FER1L5: variants seen among roughly 807,000 people sequenced by gnomAD.
The protein encoded by FER1L5 is fer-1 like family member 5, also known as fer-1-like protein 5.
In FER1L5, 187 loss-of-function variants were observed where a neutral mutation model predicts 279.9. The observed-to-expected ratio is 0.67, with a 90% confidence interval of 0.59 to 0.75. FER1L5 has a LOEUF of 0.75. Ranked by LOEUF, FER1L5 falls within the 30% of genes least tolerant of loss-of-function variation. The probability of loss-of-function intolerance (pLI) is 0.00; values close to 1 mark genes in which losing one functional copy is unlikely to be tolerated. For synonymous variants in FER1L5, 921 were observed against 989.7 expected (o/e 0.93, Z 1.30); for missense variants, 2,091 against 2,594.4 (o/e 0.81, Z 4.21).
chr2:96,657,598 G>A (rs991813206), intron 9 of FER1L5, among the ~76,000 whole-genome samples: 3 of 151,962 alleles, frequency 2.0e-5, no homozygotes, highest in South Asian at 2.1e-4. Flanking sequence ...CCCTCCATCC[G>A]CAGACAACCA....
rs1454792132 is a variant in FER1L5, at chr2:96,685,967, G to C, written c.1923G>C (p.Gln641His). The C allele has an allele frequency of 6.5e-7, 1 of 1,548,710 alleles. No individual in the cohort carries two copies. ...GCCCTCTGCCCTGCATGACCTATCA[G>C]CCCAAAGCCACCAGCCTGGACAGGA... Reference protein sequence around the residue: ...CKRPLPCMTYQPKATSLDRKR... With the variant: ...CKRPLPCMTYHPKATSLDRKR... Residue 641 changes from glutamine (Q) to histidine (H), a missense_variant, in exon 22 of 53, where the codon CAG becomes CAC. By Grantham distance (24) the Gln-to-His change is conservative. Coordinates refer to ENST00000624922, the MANE Select transcript of FER1L5 (RefSeq NM_001293083.2).
Position 96,673,141 on chromosome 2 carries a change from A to G in FER1L5, c.1556A>G (p.Asn519Ser), listed in dbSNP as rs1020171701. 4 of 1,551,578 alleles carry G rather than the reference A, an allele frequency of 2.6e-6. No homozygotes were observed. Among genetic ancestry groups the G allele is most frequent in the Admixed American group, 3.9e-5 (2 of 50,988 alleles). The change falls in exon 19 of 53, where the codon AAC (asparagine) becomes AGC (serine). Residue 519 changes from asparagine to serine, a missense_variant. Asn to Ser is a conservative substitution (Grantham distance 46, BLOSUM62 1). Transcript: ENST00000624922. ...TTCCTTTCCTGTACCATGATGCCCA[A>G]CTTTAAAGAGCTGATCCATTTCGAG... ...VIFLSCTMMP[N>S]FKELIHFEVS...
At chr2:96,700,835 C>G (rs900560846) in intron 45 of FER1L5, among the ~76,000 whole-genome samples, 13 of 152,184 alleles carry the variant, frequency 8.5e-5, no homozygotes, top group Admixed American at 6.5e-5. Context: ...CGGGTTCTGG[C>G]TGTTAATTGT....
chr2:96,689,307 C>T lies in FER1L5; in HGVS notation c.2456C>T (p.Pro819Leu). 6.5e-7 allele frequency: 1 copy of T among 1,550,112 alleles called. No homozygotes were observed. The highest frequency in any genetic ancestry group is 8.7e-7 in the Non-Finnish European group (1 of 1,146,540). ...FSDVMGNKTL[P>L]MTDFQPPLGW... ...GATGTCATGGGGAACAAGACCCTCC[C>T]CATGACGGATTTCCAACCACCCCTG... Residue 819 changes from proline (P) to leucine (L), a missense_variant, in exon 25 of 53, where the codon CCC (proline) becomes CTC (leucine). Pro to Leu is a moderately conservative substitution (Grantham distance 98). Coordinates refer to ENST00000624922, the MANE Select transcript of FER1L5 (RefSeq NM_001293083.2). This position sits in a 1 kb window ranked among gnomAD's most constrained non-coding sequence, Gnocchi z 4.6.
At chr2:96,681,119 A>C (rs1335302612) in intron 19 of FER1L5, among the ~76,000 whole-genome samples, 1 of 152,194 alleles carries the variant, frequency 6.6e-6, no homozygotes, top group Non-Finnish European at 1.5e-5. Flanking sequence ...GTGTAGCCTG[A>C]AGAGTGTCCA....
chr2:96,682,782 T>G (rs988044718), intron 19 of FER1L5, among the ~76,000 whole-genome samples: 11 of 152,240 alleles, frequency 7.2e-5, no homozygotes, highest in African/African-American at 2.7e-4. Flanking sequence ...CATGGCTCAT[T>G]GTAGCCTCAA....
intron 19 of FER1L5, among the ~76,000 whole-genome samples, chr2:96,679,244 A>G (rs1209707929): frequency 7.1e-6 from 1 of 140,098 alleles, no homozygotes; most frequent in Admixed American, 6.9e-5. Context: ...TTTTTTTTTG[A>G]GATGGCGTCT....
intron 3 of FER1L5, 50 bp downstream of exon 3, chr2:96,647,205 C>T: frequency 2.6e-6 from 4 of 1,512,008 alleles, no homozygotes; most frequent in Non-Finnish European, 3.6e-6. Flanking sequence ...AACGCAGCAG[C>T]AAGTTATGTG....
intron 42 of FER1L5, 141 bp from the exon 43 acceptor site, chr2:96,699,409 C>A: frequency 1.9e-6 from 2 of 1,039,046 alleles, no homozygotes; most frequent in South Asian, 1.6e-5. Flanking sequence ...TGGCGATTGG[C>A]AGAAGGCAGC....
chr2:96,661,611 G>A lies in FER1L5; in HGVS notation c.895-57G>A. The A allele has an allele frequency of 3.2e-6, 5 of 1,548,808 alleles. No homozygotes were observed. The South Asian group carries it at 4.8e-5, about 15-fold the overall frequency. On this transcript the variant is annotated intron_variant, in intron 11 of 52. Coordinates refer to ENST00000624922, the MANE Select transcript of FER1L5 (RefSeq NM_001293083.2). ...GGAAGTTGGAGAAGCAAAGTCTGGT[G>A]TCCTTGCCTGTGACCTCCCCATTAC...
intron 32 of FER1L5, 62 bp from the exon 33 acceptor site, chr2:96,693,849 G>A: frequency 1.3e-6 from 2 of 1,491,730 alleles, no homozygotes; most frequent in Non-Finnish European, 1.8e-6. Context: ...GCCTTGAGAA[G>A]CCCAGACAGA....
Position 96,666,242 on chromosome 2 carries a change from C to A in FER1L5, c.1141-2509C>A, listed in dbSNP as rs115169995. Reference sequence around the variant, plus strand: ...CCAGGGCAGAAGGGGAGGCAGCACACTAGATGAGGAACCAAGAAGCAGGAG... The same window carrying A: ...CCAGGGCAGAAGGGGAGGCAGCACAATAGATGAGGAACCAAGAAGCAGGAG... On this transcript the variant is annotated intron_variant, in intron 14 of 52. Coordinates refer to ENST00000624922, the MANE Select transcript of FER1L5 (RefSeq NM_001293083.2). 5.5e-3 allele frequency among the ~76,000 whole-genome samples: 815 copies of A among 147,552 alleles called. 10 individuals are homozygous for A. Among genetic ancestry groups the A allele is most frequent in the African/African-American group, 0.019 (773 of 39,724 alleles).
Position 96,650,208 on chromosome 2 carries a change from A to G in FER1L5, c.423A>G (p.Ala141=), listed in dbSNP as rs373410981. The stretch of plus-strand genomic sequence containing the variant: ...CTGAAGACCACCTGGGCATAACGGC[A>G]AGAGAGGCAGCCAGTCAGAAACTGA... ...TGAEDHLGIT[A]REAASQKLMV... is the part of the protein sequence containing the mutation. Residue 141 remains alanine, a synonymous_variant, in exon 6 of 53, where the codon GCA becomes GCG. Coordinates refer to ENST00000624922, the MANE Select transcript of FER1L5 (RefSeq NM_001293083.2). 3.9e-5 allele frequency: 61 copies of G among 1,551,588 alleles called. No individual in the cohort carries two copies. The African/African-American group carries it at 7.5e-4, about 19-fold the overall frequency.
chr2:96,647,137 G>A lies in FER1L5; in HGVS notation c.212G>A (p.Gly71Asp). Reference sequence around the variant, plus strand: ...CTGCAAGTCACCCTTCAGGACATGGGCTCACAAAAGAAAGAAAGGTGAGGC... The same window carrying A: ...CTGCAAGTCACCCTTCAGGACATGGACTCACAAAAGAAAGAAAGGTGAGGC... The part of the protein sequence containing the change: ...SFLQVTLQDM[G>D]SQKKERFIGL... The change falls in exon 3 of 53, where the codon GGC becomes GAC. Residue 71 changes from glycine to aspartate, a missense_variant. By Grantham distance (94) the Gly-to-Asp change is moderately conservative (BLOSUM62 -1). Coordinates refer to ENST00000624922, the MANE Select transcript of FER1L5 (RefSeq NM_001293083.2). 3.2e-6 allele frequency: 5 copies of A among 1,551,628 alleles called. No homozygotes were observed. Among genetic ancestry groups the A allele is most frequent in the Non-Finnish European group, 4.4e-6 (5 of 1,146,980 alleles).
intron 6 of FER1L5, among the ~76,000 whole-genome samples, chr2:96,651,499 T>C (rs2075380513): frequency 1.3e-5 from 2 of 149,712 alleles, no homozygotes; most frequent in Admixed American, 1.3e-4. Context: ...TTTCTTTCTT[T>C]CTGTCTTTCT....
At chr2:96,700,617 CTGT>C in intron 45 of FER1L5, 146 bp downstream of exon 45, 2 of 1,098,138 alleles carry the variant, frequency 1.8e-6, no homozygotes, top group Non-Finnish European at 2.6e-6. Context: ...GACAAGCATG[CTGT>C]GCACATTAAT....
chr2:96,658,465 C>T (rs76653475), intron 9 of FER1L5, among the ~76,000 whole-genome samples: 2,843 of 151,392 alleles, frequency 0.019, 89 homozygotes, highest in East Asian at 0.14. Flanking sequence ...TACAGGTGCA[C>T]GCCACCATGT....
At position 96,691,441 on chromosome 2, in the gene FER1L5, A is replaced by G; in HGVS notation, c.2908-4A>G. The G allele has an allele frequency of 6.5e-7, 1 of 1,537,268 alleles. No homozygotes were observed. The highest frequency in any genetic ancestry group is 8.8e-7 in the Non-Finnish European group (1 of 1,139,228). On this transcript the variant is annotated splice_region_variant and splice_polypyrimidine_tract_variant and intron_variant, in intron 28 of 52. Transcript: ENST00000624922. The surrounding 1 kb of genome is among the most constrained non-coding windows in gnomAD (Gnocchi z 6.0). ...ACACAACCCTGCTCTCCTCCCCACC[A>G]CAGGGCCTGGCCAAGGGCGAGGAGG...
At chr2:96,663,580 G>C in intron 14 of FER1L5, 73 bp downstream of exon 14, 1 of 1,512,968 alleles carries the variant, frequency 6.6e-7, no homozygotes, top group Non-Finnish European at 9.0e-7. Flanking sequence ...ATGATTGTGT[G>C]GGGGTGAAGA....
Sources: gnomAD v4.1 joint callset for allele counts (sites outside exome capture counted in the v4.1 genomes callset) on GRCh38, gnomAD v4.1.1 for gene constraint, Gnocchi (gnomAD v3.1) non-coding constraint, MANE v1.5 for transcripts, NCBI Gene and HGNC (gene_info 2026-07-23, HGNC 2026-07-21) for gene names.